The following DNM2 variants were observed in gnomAD, a reference collection of about 807,000 sequenced individuals.
DNM2 encodes dynamin-2.
A neutral mutation model predicts 99.0 loss-of-function variants in DNM2; 15 were observed. That is an observed-to-expected ratio of 0.15 (90% CI 0.10 to 0.23). DNM2 has a LOEUF of 0.23. Among genes scored for constraint, DNM2 ranks in the 10% least tolerant of loss-of-function variants. The pLI is 1.00. For missense variants in DNM2, 742 were observed against 1,189.4 expected, an observed-to-expected ratio of 0.62 and a Z score of 5.53; for synonymous variants, 525 against 481.2, an observed-to-expected ratio of 1.09 and a Z score of -1.19.
intron 18 of DNM2, among the ~76,000 whole-genome samples, chr19:10,825,853 C>CA (rs35659147): frequency 0.011 from 753 of 66,774 alleles, 8 homozygotes; most frequent in Non-Finnish European, 0.014. Flanking sequence ...GACTCCATCT[C>CA]AAAAAAAAAA....
In DNM2 at chr19:10,812,270, C is replaced by T. The variant is rs2072577342; in HGVS notation, c.1564C>T (p.Arg522Cys). ...IPNQGEILVI[R>C]RGWLTINNIS... ...GCTGCGCGCTTTCCCCCAGGTGATCCGCAGGGGCTGGCTGACCATCAACAA... is the reference window on the plus strand; with the variant it reads ...GCTGCGCGCTTTCCCCCAGGTGATCTGCAGGGGCTGGCTGACCATCAACAA... Residue 522 changes from arginine to cysteine, a missense_variant, in exon 15 of 21, where the codon CGC becomes TGC. This residue lies in a region of DNM2 where 240 missense variants were observed against 431.3 expected (regional missense o/e 0.56). Coordinates refer to ENST00000389253, the MANE Select transcript of DNM2 (RefSeq NM_001005361.3). The surrounding 1 kb of genome is among the most constrained non-coding windows in gnomAD (Gnocchi z 4.0). The T allele has an allele frequency of 6.3e-7, 1 of 1,599,578 alleles. No homozygotes were observed. Among genetic ancestry groups the T allele is most frequent in the Non-Finnish European group, 8.5e-7 (1 of 1,172,834 alleles).
At position 10,786,572 on chromosome 19, in the gene DNM2, C is replaced by G. The variant is rs542637338; in HGVS notation, c.858C>G (p.Thr286=). ...HLQKTLNQQL[T]NHIRESLPAL... is the part of the protein sequence containing the mutation. Reference sequence around the variant, plus strand: ...TGACCTCTCTCCTGCAGCAACTGACCAACCACATCCGGGAGTCGCTGCCGG... The same window carrying G: ...TGACCTCTCTCCTGCAGCAACTGACGAACCACATCCGGGAGTCGCTGCCGG... The change falls in exon 7 of 21, where the codon ACC becomes ACG. Residue 286 remains threonine (T), a synonymous_variant. Coordinates refer to ENST00000389253, the MANE Select transcript of DNM2 (RefSeq NM_001005361.3). The G allele has an allele frequency of 1.1e-5, 18 of 1,614,168 alleles. No homozygotes were observed. In the East Asian group the frequency reaches 3.6e-4, roughly 32 times the overall value.
intron 1 of DNM2, among the ~76,000 whole-genome samples, chr19:10,735,772 C>T (rs2069501959): frequency 6.6e-6 from 1 of 151,912 alleles, no homozygotes; most frequent in African/African-American, 2.4e-5. Context: ...CCTCTGGCTC[C>T]CAAAGTGCTG....
chr19:10,730,722 G>A (rs1378231287), intron 1 of DNM2, among the ~76,000 whole-genome samples: 1 of 152,190 alleles, frequency 6.6e-6, no homozygotes, highest in African/African-American at 2.4e-5. Flanking sequence ...GTCTATCTGC[G>A]TTGGCTTCGA....
chr19:10,765,118 C>A lies in DNM2; in HGVS notation c.235+5307C>A, dbSNP rs1288814326. Among the ~76,000 whole-genome samples the A allele has an allele frequency of 6.6e-6, 1 of 152,080 alleles. No homozygotes were observed. Among genetic ancestry groups the A allele is most frequent in the African/African-American group, 2.4e-5 (1 of 41,420 alleles). On this transcript the variant is annotated intron_variant, in intron 2 of 20. Coordinates refer to ENST00000389253, the MANE Select transcript of DNM2 (RefSeq NM_001005361.3). The surrounding 1 kb of genome is among the most constrained non-coding windows in gnomAD (Gnocchi z 4.4). ...GACTACAGGCGCCCGCCACCTCGCC[C>A]GGCTAATTTTTTTGTATGCTTAGTA...
chr19:10,791,861 G>A (rs1367303151), intron 7 of DNM2, among the ~76,000 whole-genome samples: 4 of 152,144 alleles, frequency 2.6e-5, no homozygotes, highest in Admixed American at 6.6e-5. Flanking sequence ...CAAGGCGGGC[G>A]GATCACTTGA....
intron 16 of DNM2, 105 bp from the exon 17 acceptor site, chr19:10,823,683 G>A: frequency 8.6e-7 from 1 of 1,167,180 alleles, no homozygotes; most frequent in Non-Finnish European, 1.3e-6. Flanking sequence ...GTTGGGTTTG[G>A]GTTCCTGATC....
At chr19:10,757,581 A>G (rs367923477) in intron 1 of DNM2, among the ~76,000 whole-genome samples, 9 of 152,178 alleles carry the variant, frequency 5.9e-5, no homozygotes, top group East Asian at 5.8e-4. Flanking sequence ...ACAGCTGTAC[A>G]GTACCAATTG....
chr19:10,747,275 T>A (rs1482859416), intron 1 of DNM2, among the ~76,000 whole-genome samples: 3 of 152,136 alleles, frequency 2.0e-5, no homozygotes, highest in Admixed American at 6.5e-5. Context: ...CATTCCCACA[T>A]AACAGATTGG....
At chr19:10,827,506 C>T (rs894434970) in intron 18 of DNM2, among the ~76,000 whole-genome samples, 78 of 151,840 alleles carry the variant, frequency 5.1e-4, no homozygotes, top group African/African-American at 1.7e-3. Flanking sequence ...GAGATCGAGG[C>T]TGCGGTGAGC....
rs540889668 is a variant in DNM2, at chr19:10,790,525, C to T, written c.993-3195C>T. ...TCTCGCTCTGTCACCCAGGCTGAAG[C>T]GCAGTGGCATGATCTCAGCTCACTG... On this transcript the variant is annotated intron_variant, in intron 7 of 20. Coordinates refer to ENST00000389253, the MANE Select transcript of DNM2 (RefSeq NM_001005361.3). Among the ~76,000 whole-genome samples, 14 of 152,096 alleles carry T rather than the reference C, an allele frequency of 9.2e-5. No homozygotes were observed. In the South Asian group the frequency reaches 1.7e-3, roughly 18 times the overall value.
At chr19:10,747,903 G>A (rs1164779805) in intron 1 of DNM2, among the ~76,000 whole-genome samples, 3 of 152,128 alleles carry the variant, frequency 2.0e-5, no homozygotes, top group African/African-American at 4.8e-5. Flanking sequence ...GGAGCTGCCC[G>A]CCTGCTCTGT....
At chr19:10,819,801 C>T (rs2072912103) in intron 15 of DNM2, among the ~76,000 whole-genome samples, 179 bp from the exon 16 acceptor site, 1 of 152,136 alleles carries the variant, frequency 6.6e-6, no homozygotes, top group African/African-American at 2.4e-5. Context: ...TCATGGAGGG[C>T]AGCGTGGCTG....
rs1382781487 is a variant in DNM2 at position 10,775,997 on chromosome 19, C to T, written c.589+91C>T. ...CTTGGTTCCAAGTCACTGGCGTTCTCTTTAATCCATGGCCGCTGTAGGAAA... is the reference window on the plus strand; with the variant it reads ...CTTGGTTCCAAGTCACTGGCGTTCTTTTTAATCCATGGCCGCTGTAGGAAA... On this transcript the variant is annotated intron_variant, in intron 4 of 20. Coordinates refer to ENST00000389253, the MANE Select transcript of DNM2 (RefSeq NM_001005361.3). This position sits in a 1 kb window ranked among gnomAD's most constrained non-coding sequence, Gnocchi z 4.3. 3 of 1,511,066 alleles carry T rather than the reference C, an allele frequency of 2.0e-6. No individual in the cohort carries two copies. Among genetic ancestry groups the T allele is most frequent in the Non-Finnish European group, 1.8e-6 (2 of 1,115,064 alleles). The allele number at this position is 1,511,066 out of a possible 1,614,324, so 93.6% of individuals were successfully genotyped here.
intron 4 of DNM2, 127 bp downstream of exon 4, chr19:10,776,033 G>T (rs2071141609): frequency 8.3e-7 from 1 of 1,205,802 alleles, no homozygotes; most frequent in African/African-American, 1.5e-5. Context: ...AGGCCTCCTG[G>T]AACATGGCAC....
At chr19:10,761,248 A>G (rs928753472) in intron 2 of DNM2, among the ~76,000 whole-genome samples, 1 of 151,886 alleles carries the variant, frequency 6.6e-6, no homozygotes, top group Non-Finnish European at 1.5e-5. Flanking sequence ...CGGCCTCCCA[A>G]AGTGTTGGGA....
intron 1 of DNM2, among the ~76,000 whole-genome samples, chr19:10,738,260 AAAAT>A (rs556305780): frequency 3.9e-5 from 6 of 151,976 alleles, no homozygotes; most frequent in Admixed American, 1.3e-4. Flanking sequence ...TCCATCTCAA[AAAAT>A]AAATAAATAA....
chr19:10,824,228 T>G (rs1667490160), intron 17 of DNM2: 1 of 364,798 alleles, frequency 2.7e-6, no homozygotes, highest in African/African-American at 2.1e-5. Context: ...CCGGGCACGG[T>G]GGGTGGTTCG....
At chr19:10,788,132 C>T (rs369122809) in intron 7 of DNM2, among the ~76,000 whole-genome samples, 1 of 151,368 alleles carries the variant, frequency 6.6e-6, no homozygotes, top group East Asian at 1.9e-4. Context: ...ACTCGGGAGA[C>T]TGAGGCAAGA....
Sources: gnomAD v4.1 joint callset for allele counts (sites outside exome capture counted in the v4.1 genomes callset) on GRCh38, gnomAD v4.1.1 for gene constraint, gnomAD v4.1.1 regional missense constraint, Gnocchi (gnomAD v3.1) non-coding constraint, MANE v1.5 for transcripts, NCBI Gene and HGNC (gene_info 2026-07-23, HGNC 2026-07-21) for gene names.